The following CENPE variants were observed in gnomAD, a reference collection of about 807,000 sequenced individuals.
CENPE encodes centromere protein E, also known as centromere-associated protein E.
CENPE carries 145 observed loss-of-function variants against 336.1 expected under a neutral mutation model. That is an observed-to-expected ratio of 0.43 (90% CI 0.38 to 0.50). The LOEUF is 0.50. Ranked by LOEUF, CENPE falls within the 20% of genes least tolerant of loss-of-function variation. The pLI is 0.00. For missense variants in CENPE, 2,719 were observed against 3,023.3 expected (o/e 0.90, Z 2.36); for synonymous variants, 1,013 against 984.8 (o/e 1.03, Z -0.54).
intron 10 of CENPE, 51 bp downstream of exon 10, chr4:103,183,150 T>C (rs1756468156): frequency 7.3e-7 from 1 of 1,363,344 alleles, no homozygotes; most frequent in Non-Finnish European, 1.0e-6. Context: ...ATGTTCAACC[T>C]AATGAAAAAT....
At chr4:103,178,760 A>C (rs1756089320) in intron 13 of CENPE, among the ~76,000 whole-genome samples, 1 of 152,094 alleles carries the variant, frequency 6.6e-6, no homozygotes, top group Non-Finnish European at 1.5e-5. Context: ...TACCATATTC[A>C]CTAGGTTTTA....
rs1040386961 is a variant in CENPE at position 103,180,296 on chromosome 4, A to G, written c.1242+15T>C. The G allele has an allele frequency of 6.2e-6, 10 of 1,605,868 alleles. No homozygotes were observed. Among genetic ancestry groups the G allele is most frequent in the Non-Finnish European group, 8.5e-6 (10 of 1,175,602 alleles). ...CTCTGTACATCAAGTTTAAGCTGTC[A>G]TCTTTTAATTTTACCTTTAATTCCT... is the stretch of plus-strand genomic sequence containing the variant. On this transcript the variant is annotated intron_variant, in intron 13 of 48. Coordinates refer to ENST00000265148, the MANE Select transcript of CENPE (RefSeq NM_001813.3).
intron 44 of CENPE, 94 bp from the exon 45 acceptor site, chr4:103,116,783 G>A: frequency 1.6e-6 from 1 of 619,348 alleles, no homozygotes; most frequent in Non-Finnish European, 2.8e-6. Context: ...CTCTAATAAG[G>A]ACATTTTAAA....
At chr4:103,195,056 A>C in intron 5 of CENPE, 58 bp downstream of exon 5, 1 of 1,445,114 alleles carries the variant, frequency 6.9e-7, no homozygotes, top group Non-Finnish European at 9.2e-7. Context: ...TAAACATTCA[A>C]GAACAATAAT....
rs188632818 is a variant in CENPE, at chr4:103,120,187, T to A, written c.7290A>T (p.Lys2430Asn). 33 of 1,607,858 alleles carry A rather than the reference T, an allele frequency of 2.1e-5. No individual in the cohort carries two copies. Among genetic ancestry groups the A allele is most frequent in the Admixed American group, 1.2e-4 (7 of 58,574 alleles). ...TTGTCTCTTTTGTTTTTTCAAGGCA[T>A]TTATTTGATTCATGAACTTTGGCTT... Reference protein sequence around the residue: ...KLQAKVHESNKCLEKTKETIQ... With the variant: ...KLQAKVHESNNCLEKTKETIQ... The change falls in exon 44 of 49, where the codon AAA (lysine) becomes AAT (asparagine). Residue 2430 changes from lysine (K) to asparagine (N), a missense_variant. Around this residue, in one of 5 missense-constraint regions of CENPE, gnomAD observed 2,437 missense variants for 2,513.3 expected, o/e 0.97. Transcript: ENST00000265148.
At chr4:103,144,258 C>T (rs558742455) in intron 33 of CENPE, 73 bp downstream of exon 33, 1 of 1,370,488 alleles carries the variant, frequency 7.3e-7, no homozygotes, top group Non-Finnish European at 1.0e-6. Context: ...ATACTCCCAC[C>T]AACCCTATGG....
chr4:103,143,470 G>T, intron 33 of CENPE, 64 bp from the exon 34 acceptor site: 1 of 1,097,990 alleles, frequency 9.1e-7, no homozygotes. Context: ...CTATAGAAAG[G>T]TATAGGGCAG....
intron 46 of CENPE, among the ~76,000 whole-genome samples, 172 bp downstream of exon 46, chr4:103,114,283 C>T (rs543423362): frequency 2.2e-4 from 33 of 152,124 alleles, no homozygotes; most frequent in African/African-American, 5.1e-4. Flanking sequence ...TTACAACAAA[C>T]GATGTCACAA....
At chr4:103,178,086 T>C (rs1756031266) in intron 13 of CENPE, among the ~76,000 whole-genome samples, 1 of 150,456 alleles carries the variant, frequency 6.6e-6, no homozygotes, top group African/African-American at 2.4e-5. Context: ...CACCCTATCA[T>C]CTTAGATTCC....
chr4:103,120,386 T>A, intron 43 of CENPE, 53 bp from the exon 44 acceptor site: 1 of 1,433,320 alleles, frequency 7.0e-7, no homozygotes, highest in Non-Finnish European at 9.5e-7. Flanking sequence ...AGAATCACAG[T>A]ATAGAAATTT....
At chr4:103,159,749 T>C (rs988491677) in intron 21 of CENPE, among the ~76,000 whole-genome samples, 11 of 151,920 alleles carry the variant, frequency 7.2e-5, no homozygotes, top group African/African-American at 2.7e-4. Flanking sequence ...TTTAATCATT[T>C]AAAATTGTTA....
At chr4:103,126,177 C>T (rs1751081881) in intron 42 of CENPE, among the ~76,000 whole-genome samples, 2 of 152,124 alleles carry the variant, frequency 1.3e-5, no homozygotes, top group South Asian at 2.1e-4. Flanking sequence ...TTGTATTTTA[C>T]CTTCAGGAGC....
In CENPE at chr4:103,151,385, GA is replaced by G. The variant is rs551530800; in HGVS notation, c.3238-9del. The stretch of plus-strand genomic sequence containing the variant: ...TTCCTGGTTTTCAATGGTCTAGAAA[GA>G]AAAAAAAAGTTGAGATTAAAGTAAA... On this transcript the variant is annotated splice_polypyrimidine_tract_variant and intron_variant, in intron 25 of 48. Transcript: ENST00000265148. 149 of 1,520,430 alleles carry G rather than the reference GA, an allele frequency of 9.8e-5. 1 individual carries two copies. The East Asian group carries it at 1.9e-3, about 19-fold the overall frequency. 94.2% of individuals were successfully genotyped at this position (1,520,430 alleles called of 1,614,324 possible).
At chr4:103,184,641 G>C (rs1266307407) in intron 9 of CENPE, among the ~76,000 whole-genome samples, 4 of 151,884 alleles carry the variant, frequency 2.6e-5, no homozygotes, top group Non-Finnish European at 2.9e-5. Flanking sequence ...TCTAACTTCT[G>C]TATGTATTTG....
At position 103,158,964 on chromosome 4, in the gene CENPE, C is replaced by T. The variant is rs573344868; in HGVS notation, c.2601+46G>A. 1.0e-5 allele frequency: 16 copies of T among 1,534,578 alleles called. No individual in the cohort carries two copies. The East Asian group carries it at 3.4e-4, about 32-fold the overall frequency. On this transcript the variant is annotated intron_variant, in intron 22 of 48. Transcript: ENST00000265148. ...CATACATATATACAGAAACCAAAAC[C>T]CCAGAAGACTAAGGAGCATTTCTCA... is the stretch of plus-strand genomic sequence containing the variant.
rs1039662971 is a variant in CENPE, at chr4:103,106,263, C to T, written c.8065G>A (p.Ala2689Thr). The T allele has an allele frequency of 1.7e-5, 27 of 1,601,308 alleles. No homozygotes were observed. The highest frequency in any genetic ancestry group is 2.0e-5 in the Non-Finnish European group (24 of 1,173,042). The change falls in exon 49 of 49, where the codon GCC becomes ACC. Residue 2689 changes from alanine (A) to threonine (T), a missense_variant. Ala to Thr is a moderately conservative substitution (Grantham distance 58). Around this residue, in one of 5 missense-constraint regions of CENPE, gnomAD observed 2,437 missense variants for 2,513.3 expected, o/e 0.97. Coordinates refer to ENST00000265148, the MANE Select transcript of CENPE (RefSeq NM_001813.3). ...TCAGGCACATCCTTGCCTGAGGAGG[C>T]GTGCCAAGGACCTGGCTGAGAATCC... ...SVDSQPGPWHASSGKDVPECK... is the reference protein window; with the variant it reads ...SVDSQPGPWHTSSGKDVPECK...
intron 44 of CENPE, among the ~76,000 whole-genome samples, chr4:103,118,828 G>A (rs1008469505): frequency 1.3e-5 from 2 of 152,154 alleles, no homozygotes. Context: ...GAATAGAAAT[G>A]AGAGTTCTTA....
chr4:103,116,768 CTT>C (rs2125854077), intron 44 of CENPE, 79 bp from the exon 45 acceptor site: 1 of 706,738 alleles, frequency 1.4e-6, no homozygotes, highest in East Asian at 2.9e-5. Flanking sequence ...GGTTAGCTGT[CTT>C]TGCTCTAATA....
chr4:103,161,364 T>G lies in CENPE; in HGVS notation c.1936A>C (p.Ser646Arg). 1.2e-6 allele frequency: 2 copies of G among 1,611,854 alleles called. No individual in the cohort carries two copies. Among genetic ancestry groups the G allele is most frequent in the Non-Finnish European group, 8.5e-7 (1 of 1,179,080 alleles). The change falls in exon 19 of 49, where the codon AGT (serine) becomes CGT (arginine). Residue 646 changes from serine to arginine, a missense_variant. By Grantham distance (110) the Ser-to-Arg change is moderately radical. Transcript: ENST00000265148. ...DAKRESAFLRSENLELKEKMK... is the reference protein window; with the variant it reads ...DAKRESAFLRRENLELKEKMK... The stretch of plus-strand genomic sequence containing the variant: ...TTCTCCTTCAGCTCCAGATTTTCAC[T>G]TCTAAGAAAGGCTGATTCTCTCTTG...
Sources: gnomAD v4.1 joint callset for allele counts (sites outside exome capture counted in the v4.1 genomes callset) on GRCh38, gnomAD v4.1.1 for gene constraint, gnomAD v4.1.1 regional missense constraint, MANE v1.5 for transcripts, NCBI Gene and HGNC (gene_info 2026-07-23, HGNC 2026-07-21) for gene names.